Variants in SPHKAP observed in about 807,000 individuals in gnomAD.
SPHKAP encodes SPHK1 interactor, AKAP domain containing, also known as A-kinase anchor protein SPHKAP.
SPHKAP carries 67 observed loss-of-function variants against 137.5 expected under a neutral mutation model. The observed-to-expected ratio is 0.49, with a 90% CI of 0.40 to 0.60. The LOEUF (loss-of-function observed/expected upper bound fraction) is 0.60. Ranked by LOEUF, SPHKAP falls within the 20% of genes least tolerant of loss-of-function variation. The pLI, the probability that SPHKAP is intolerant of heterozygous loss-of-function variation, is 0.00. For synonymous variants in SPHKAP, 813 were observed against 785.3 expected, an observed-to-expected ratio of 1.04 and a Z score of -0.59; for missense variants, 2,097 against 2,069.3, an observed-to-expected ratio of 1.01 and a Z score of -0.26.
intron 3 of SPHKAP, among the ~76,000 whole-genome samples, chr2:228,081,495 C>G (rs1236112311): frequency 2.0e-5 from 3 of 152,088 alleles, no homozygotes; most frequent in Non-Finnish European, 4.4e-5. Context: ...ACCTGCAATT[C>G]CATGTTTATT....
chr2:228,113,219 GATTC>G (rs980337957), intron 2 of SPHKAP, among the ~76,000 whole-genome samples: 2 of 152,026 alleles, frequency 1.3e-5, no homozygotes, highest in African/African-American at 4.8e-5. Flanking sequence ...ACATTTAGAT[GATTC>G]ATTATTAAAT....
Position 227,993,614 on chromosome 2 carries a change from G to C in SPHKAP, c.4641C>G (p.Gly1547=). The C allele has an allele frequency of 1.3e-6, 2 of 1,591,852 alleles. No individual in the cohort carries two copies. The highest frequency in any genetic ancestry group is 1.7e-6 in the Non-Finnish European group (2 of 1,168,540). ...CAAGACTGCTAGTGGCACTACTGTTGCCATTGCTGACAAAGCAAAAGTTTA... is the reference window on the plus strand; with the variant it reads ...CAAGACTGCTAGTGGCACTACTGTTCCCATTGCTGACAAAGCAAAAGTTTA... ...LQLSERSMSN[G]NSSATSSLGI... is the part of the protein sequence containing the mutation. Residue 1547 remains glycine (G), a synonymous_variant, in exon 9 of 12, where the codon GGC becomes GGG. Transcript: ENST00000392056.
intron 11 of SPHKAP, among the ~76,000 whole-genome samples, chr2:227,990,664 C>T (rs1285829101): frequency 6.6e-6 from 1 of 152,084 alleles, no homozygotes; most frequent in Non-Finnish European, 1.5e-5. Flanking sequence ...ATATCAGGTT[C>T]TTCTTTCTTT....
intron 3 of SPHKAP, among the ~76,000 whole-genome samples, chr2:228,067,467 T>C (rs1486652916): frequency 6.6e-6 from 1 of 152,316 alleles, no homozygotes; most frequent in East Asian, 1.9e-4. Flanking sequence ...TATGATCATC[T>C]TGACTTGTAA....
At chr2:228,154,506 C>CTATATATA (rs1397617929) in intron 1 of SPHKAP, among the ~76,000 whole-genome samples, 77 of 29,870 alleles carry the variant, frequency 2.6e-3, no homozygotes, top group South Asian at 5.7e-3. Context: ...CTCTCTCTCT[C>CTATATATA]TCTCTCTATA....
In SPHKAP at chr2:228,132,086, C is replaced by G; in HGVS notation, c.33-1G>C. ...ATACATCCGTGATGACTCCAAGTTG[C>G]TGTTTGTGACCCAAAACACAAAAAC... On this transcript the variant is annotated splice_acceptor_variant, in intron 1 of 11. Coordinates refer to ENST00000392056, the MANE Select transcript of SPHKAP (RefSeq NM_001142644.2). LOFTEE classifies it high-confidence loss of function. 6.2e-7 allele frequency: 1 copy of G among 1,613,148 alleles called. No individual in the cohort carries two copies. The highest frequency in any genetic ancestry group is 8.5e-7 in the Non-Finnish European group (1 of 1,179,692).
chr2:228,021,462 A>AT (rs775681546), intron 6 of SPHKAP, among the ~76,000 whole-genome samples: 2 of 152,272 alleles, frequency 1.3e-5, no homozygotes, highest in South Asian at 2.1e-4. Context: ...AAAGTACACA[A>AT]ATTCCCTTCA....
intron 3 of SPHKAP, among the ~76,000 whole-genome samples, chr2:228,065,039 G>A (rs1398100833): frequency 6.6e-6 from 1 of 152,192 alleles, no homozygotes; most frequent in African/African-American, 2.4e-5. Context: ...ATTTCTCCAA[G>A]CTCAGGATTT....
Position 228,096,741 on chromosome 2 carries a change from G to C in SPHKAP, c.246+12091C>G, listed in dbSNP as rs114804491. Among the ~76,000 whole-genome samples the C allele has an allele frequency of 4.2e-4, 64 of 152,084 alleles. No homozygotes were observed. The South Asian group carries it at 0.013, about 31-fold the overall frequency. On this transcript the variant is annotated intron_variant, in intron 3 of 11. Transcript: ENST00000392056. The stretch of plus-strand genomic sequence containing the variant: ...CCGTCTGGAATATGAAATGAAAGCA[G>C]TCTCTGGTCTATAAAGAAGTGTAAT...
chr2:228,022,311 A>G (rs976006652), intron 5 of SPHKAP: 1 of 412,132 alleles, frequency 2.4e-6, no homozygotes, highest in African/African-American at 2.2e-5. Context: ...GCCAGAATTA[A>G]GTTGGACCAC....
At chr2:228,169,204 G>T (rs970429653) in intron 1 of SPHKAP, among the ~76,000 whole-genome samples, 3 of 152,170 alleles carry the variant, frequency 2.0e-5, no homozygotes, top group African/African-American at 7.2e-5. Flanking sequence ...AGAATATTTA[G>T]CAAAGATTAT....
chr2:228,081,196 G>T (rs1697356143), intron 3 of SPHKAP, among the ~76,000 whole-genome samples: 1 of 152,208 alleles, frequency 6.6e-6, no homozygotes, highest in South Asian at 2.1e-4. Context: ...AGTGCTGAGT[G>T]CAAGAAATAC....
chr2:228,180,939 C>T (rs1315218942), intron 1 of SPHKAP, among the ~76,000 whole-genome samples: 3 of 152,068 alleles, frequency 2.0e-5, no homozygotes, highest in African/African-American at 7.2e-5. Flanking sequence ...GTGTGGGGGA[C>T]GAGCAAAACC....
At chr2:228,131,947 T>G (rs151228774) in intron 2 of SPHKAP, 33 bp downstream of exon 2, 2 of 1,601,078 alleles carry the variant, frequency 1.2e-6, no homozygotes, top group African/African-American at 1.3e-5. Context: ...CAAGTTCAAC[T>G]GACAAGAAGA....
At chr2:228,093,863 A>C (rs1697893979) in intron 3 of SPHKAP, among the ~76,000 whole-genome samples, 1 of 90,150 alleles carries the variant, frequency 1.1e-5, no homozygotes, top group Admixed American at 1.3e-4. Flanking sequence ...CCGTTTCAAA[A>C]AAAAAAAAAA....
rs1481455065 is a variant in SPHKAP, at chr2:228,020,085, A to G, written c.769T>C (p.Trp257Arg). The G allele has an allele frequency of 3.1e-6, 5 of 1,614,166 alleles. No homozygotes were observed. Residue 257 changes from tryptophan to arginine, a missense_variant, in exon 7 of 12, where the codon TGG (tryptophan) becomes CGG (arginine). Trp to Arg is a moderately radical substitution (Grantham distance 101). Coordinates refer to ENST00000392056, the MANE Select transcript of SPHKAP (RefSeq NM_001142644.2). ...AGCCACTTTTCCTTGTTGCAATTCC[A>G]TTCCACCTGGGTGGCTCCCTTTAGC... ...KQLKGATQVE[W>R]NCNKEKWLYA...
At chr2:227,992,034 C>T (rs780198472) in intron 9 of SPHKAP, among the ~76,000 whole-genome samples, 7 of 152,096 alleles carry the variant, frequency 4.6e-5, no homozygotes. Context: ...GTACTTATTA[C>T]AGAACCTTGC....
intron 1 of SPHKAP, among the ~76,000 whole-genome samples, chr2:228,133,629 A>T (rs542627167): frequency 6.6e-6 from 1 of 152,330 alleles, no homozygotes; most frequent in Non-Finnish European, 1.5e-5. Context: ...ATAGTTCTGT[A>T]TAAAATTTTC....
chr2:228,143,811 G>A (rs1699682995), intron 1 of SPHKAP, among the ~76,000 whole-genome samples: 1 of 151,866 alleles, frequency 6.6e-6, no homozygotes. Context: ...CAGCCATTCA[G>A]GTCATTTCCG....
Sources: gnomAD v4.1 joint callset for allele counts (sites outside exome capture counted in the v4.1 genomes callset) on GRCh38, gnomAD v4.1.1 for gene constraint, MANE v1.5 for transcripts, NCBI Gene and HGNC (gene_info 2026-07-23, HGNC 2026-07-21) for gene names.